TXNDC16: variants seen among roughly 807,000 people sequenced by gnomAD.
The protein encoded by TXNDC16 is thioredoxin domain containing 16, also known as thioredoxin domain-containing protein 16.
TXNDC16 carries 74 observed loss-of-function variants against 85.6 expected under a neutral mutation model. The observed-to-expected ratio is 0.86, with a 90% CI of 0.72 to 1.05. TXNDC16 has a LOEUF of 1.05. Among genes scored for constraint, TXNDC16 ranks in the 50% least tolerant of loss-of-function variants. The probability of loss-of-function intolerance (pLI) is 0.00; values close to 1 mark genes in which losing one functional copy is unlikely to be tolerated. For synonymous variants in TXNDC16, 335 were observed against 326.5 expected (o/e 1.03, Z -0.28); for missense variants, 959 against 947.0 (o/e 1.01, Z -0.17).
chr14:52,502,444 A>G (rs1051998447), intron 9 of TXNDC16, among the ~76,000 whole-genome samples: 4 of 152,366 alleles, frequency 2.6e-5, no homozygotes, highest in South Asian at 2.1e-4. Flanking sequence ...GTGTATTTCA[A>G]GGGGCTGTTG....
At chr14:52,493,312 G>A (rs1052457588) in intron 9 of TXNDC16, among the ~76,000 whole-genome samples, 1 of 151,104 alleles carries the variant, frequency 6.6e-6, no homozygotes, top group African/African-American at 2.4e-5. Context: ...ATTGTGAATA[G>A]ATATCCAAGG....
intron 12 of TXNDC16, 62 bp downstream of exon 12, chr14:52,488,301 A>G: frequency 6.3e-7 from 1 of 1,582,828 alleles, no homozygotes; most frequent in Non-Finnish European, 8.6e-7. Flanking sequence ...TCCATTGGAA[A>G]TTTCACTGAC....
chr14:52,448,145 C>T (rs1212130644), intron 18 of TXNDC16, among the ~76,000 whole-genome samples: 3 of 151,454 alleles, frequency 2.0e-5, no homozygotes, highest in African/African-American at 2.4e-5. Context: ...AAGATAGTAA[C>T]AGAGAATTTC....
At chr14:52,498,405 TCACACACACACACA>T (rs140586435) in intron 9 of TXNDC16, among the ~76,000 whole-genome samples, 5 of 146,302 alleles carry the variant, frequency 3.4e-5, no homozygotes, top group Non-Finnish European at 7.6e-5. Context: ...ACCCTAAAGA[TCACACACACACACA>T]CACACACACA....
Position 52,519,240 on chromosome 14 carries a change from T to C in TXNDC16, c.446A>G (p.Asn149Ser). Residue 149 changes from asparagine to serine, a missense_variant, in exon 7 of 21, where the codon AAC becomes AGC. Physicochemically the swap from Asn to Ser is conservative, Grantham distance 46. Transcript: ENST00000281741. The stretch of plus-strand genomic sequence containing the variant: ...TTTTCCTTTCAGAGCATTTTCTATG[T>C]TCTGAAGGTCTTCCAGGTTGGTAAT... ...KYITNLEDLQ[N>S]IENALKGKAN... 1 of 1,606,928 alleles carries C rather than the reference T, an allele frequency of 6.2e-7. No homozygotes were observed.
chr14:52,521,185 T>A (rs1352110311), intron 6 of TXNDC16, among the ~76,000 whole-genome samples: 2 of 152,022 alleles, frequency 1.3e-5, no homozygotes, highest in Non-Finnish European at 2.9e-5. Flanking sequence ...CGATTTCAGC[T>A]CACTGCAACC....
At chr14:52,452,613 G>A (rs1240598110) in intron 18 of TXNDC16, among the ~76,000 whole-genome samples, 3 of 152,154 alleles carry the variant, frequency 2.0e-5, no homozygotes, top group Non-Finnish European at 1.5e-5. Context: ...ATGGTGCTGG[G>A]AAAATTGGAT....
chr14:52,512,273 T>C (rs1463905005), intron 8 of TXNDC16, among the ~76,000 whole-genome samples: 1 of 152,166 alleles, frequency 6.6e-6, no homozygotes, highest in Admixed American at 6.6e-5. Context: ...TTGAAAGAGA[T>C]ATAGTCAAAC....
intron 16 of TXNDC16, among the ~76,000 whole-genome samples, chr14:52,465,478 A>G (rs6572847): frequency 0.51 from 77,476 of 151,368 alleles, 20,782 homozygotes; most frequent in East Asian, 0.7. Context: ...TGTAGTCCCA[A>G]CTACTCGGGA....
At chr14:52,471,238 A>G (rs2035900197) in intron 14 of TXNDC16, among the ~76,000 whole-genome samples, 1 of 152,162 alleles carries the variant, frequency 6.6e-6, no homozygotes, top group Admixed American at 6.5e-5. Flanking sequence ...TTGATTAATC[A>G]GCATGTTCTT....
intron 16 of TXNDC16, 82 bp downstream of exon 16, chr14:52,469,954 AT>A: frequency 7.6e-7 from 1 of 1,311,334 alleles, no homozygotes; most frequent in Non-Finnish European, 1.0e-6. Context: ...ATTCTCTATA[AT>A]TTAAAAAGAT....
In TXNDC16 at chr14:52,432,372, T is replaced by A; in HGVS notation, c.2410A>T (p.Asn804Tyr). Residue 804 changes from asparagine to tyrosine, a missense_variant, in exon 21 of 21, where the codon AAT (asparagine) becomes TAT (tyrosine). Physicochemically the swap from Asn to Tyr is moderately radical, Grantham distance 143 (BLOSUM62 -2). Coordinates refer to ENST00000281741, the MANE Select transcript of TXNDC16 (RefSeq NM_020784.3). ...GATTTTTCTGCTTCTTTAAACCAAT[T>A]ACTTCTATTCCAATGCTTTATTCTC... ...TLRIKHWNRS[N>Y]WFKEAEKSFR... 6.2e-7 allele frequency: 1 copy of A among 1,613,904 alleles called. No individual in the cohort carries two copies. Among genetic ancestry groups the A allele is most frequent in the East Asian group, 2.2e-5 (1 of 44,862 alleles).
chr14:52,448,813 T>C (rs545782320), intron 18 of TXNDC16, among the ~76,000 whole-genome samples: 1 of 152,204 alleles, frequency 6.6e-6, no homozygotes, highest in Admixed American at 6.5e-5. Context: ...AGAGTTTAAC[T>C]TGACAGAGTG....
intron 12 of TXNDC16, among the ~76,000 whole-genome samples, chr14:52,484,930 T>C (rs1305789731): frequency 6.6e-6 from 1 of 152,106 alleles, no homozygotes; most frequent in Non-Finnish European, 1.5e-5. Context: ...CAGTAAATAA[T>C]ACTTGATAAT....
At chr14:52,483,624 A>C (rs2036199651) in intron 12 of TXNDC16, among the ~76,000 whole-genome samples, 1 of 152,228 alleles carries the variant, frequency 6.6e-6, no homozygotes, top group Non-Finnish European at 1.5e-5. Context: ...TAGGCTAGGC[A>C]GTGGCTAGAT....
At chr14:52,440,482 A>G in intron 19 of TXNDC16, 82 bp downstream of exon 19, 1 of 1,200,642 alleles carries the variant, frequency 8.3e-7, no homozygotes, top group Non-Finnish European at 1.1e-6. Context: ...CCAAAGAGTT[A>G]GAGAGTTTCG....
chr14:52,506,084 G>A (rs933229239), intron 9 of TXNDC16, among the ~76,000 whole-genome samples: 2 of 152,108 alleles, frequency 1.3e-5, no homozygotes, highest in Admixed American at 1.3e-4. Context: ...ATAATTAATA[G>A]CTTACCAACC....
chr14:52,502,934 G>A (rs545201222), intron 9 of TXNDC16, among the ~76,000 whole-genome samples: 7 of 152,152 alleles, frequency 4.6e-5, no homozygotes, highest in African/African-American at 1.4e-4. Flanking sequence ...TATATCCCGC[G>A]CTTGAGGGCT....
At chr14:52,477,634 T>C (rs1014410034) in intron 14 of TXNDC16, among the ~76,000 whole-genome samples, 3 of 152,214 alleles carry the variant, frequency 2.0e-5, no homozygotes, top group African/African-American at 4.8e-5. Context: ...ATCACAATCC[T>C]AAATATATAT....
Sources: gnomAD v4.1 joint callset for allele counts (sites outside exome capture counted in the v4.1 genomes callset) on GRCh38, gnomAD v4.1.1 for gene constraint, MANE v1.5 for transcripts, NCBI Gene and HGNC (gene_info 2026-07-23, HGNC 2026-07-21) for gene names.